EXOC3L2: variants seen among roughly 807,000 people sequenced by gnomAD.
EXOC3L2 encodes the protein exocyst complex component 3-like protein 2.
Under a neutral mutation model 44.4 loss-of-function variants are expected in EXOC3L2, and 17 were observed. The ratio of observed to expected loss-of-function variants is 0.38; its 90% CI spans 0.26 to 0.57. EXOC3L2 has a LOEUF of 0.57. Among genes scored for constraint, EXOC3L2 ranks in the 20% least tolerant of loss-of-function variants. The pLI is 0.65. For synonymous variants in EXOC3L2, 256 were observed against 253.7 expected, an observed-to-expected ratio of 1.01 and a Z score of -0.09; for missense variants, 541 against 588.4, an observed-to-expected ratio of 0.92 and a Z score of 0.83.
rs1313193846 is a variant in EXOC3L2 at position 45,228,198 on chromosome 19, G to A, written c.1338C>T (p.Asp446=). Residue 446 remains aspartate (D), a synonymous_variant, in exon 5 of 12, where the codon GAC becomes GAT. Coordinates refer to ENST00000413988, the MANE Select transcript of EXOC3L2 (RefSeq NM_001382422.1). ...CATCCTGGGCCAGGCTGCTGGGCTG[G>A]TCCTCCAGGCTCCCCCAGTGCTCTT... is the stretch of plus-strand genomic sequence containing the variant. ...EDEEHWGSLE[D]QPSSLAQDVC... is the part of the protein sequence containing the mutation. 1 of 1,614,130 alleles carries A rather than the reference G, an allele frequency of 6.2e-7. No homozygotes were observed. The highest frequency in any genetic ancestry group is 2.2e-5 in the East Asian group (1 of 44,880).
chr19:45,218,940 A>G (rs1393947929), intron 8 of EXOC3L2, among the ~76,000 whole-genome samples: 1 of 152,098 alleles, frequency 6.6e-6, no homozygotes, highest in Admixed American at 6.6e-5. Flanking sequence ...TCTACAAAAC[A>G]TTTAAAAGTT....
chr19:45,228,966 G>A (rs1313679881), intron 4 of EXOC3L2, among the ~76,000 whole-genome samples: 1 of 151,846 alleles, frequency 6.6e-6, no homozygotes, highest in Admixed American at 6.6e-5. Context: ...AGCTACTCAG[G>A]AGGCTGAGGC....
rs982735064 is a variant in EXOC3L2 at position 45,235,298 on chromosome 19, CAAAAATAAATAAATAAA to C, written c.524-489_524-473del. Among the ~76,000 whole-genome samples, 12 of 151,758 alleles carry C rather than the reference CAAAAATAAATAAATAAA, an allele frequency of 7.9e-5. 1 individual carries two copies. The highest frequency in any genetic ancestry group is 2.9e-4 in the African/African-American group (12 of 41,352). On this transcript the variant is annotated intron_variant, in intron 2 of 11. Coordinates refer to ENST00000413988, the MANE Select transcript of EXOC3L2 (RefSeq NM_001382422.1). ...CAACATGTTGAGCGAGACTCTATCTCAAAAATAAATAAATAAAAAAGAGAGAGGGGGAAAAGAAAAAT... is the reference window on the plus strand; with the variant it reads ...CAACATGTTGAGCGAGACTCTATCTCAAAGAGAGAGGGGGAAAAGAAAAAT...
intron 9 of EXOC3L2, 107 bp from the exon 10 acceptor site, chr19:45,217,790 G>A (rs1052746063): frequency 2.4e-6 from 3 of 1,251,406 alleles, no homozygotes; most frequent in Non-Finnish European, 3.1e-6. Flanking sequence ...TCCACTCCGG[G>A]CACCCATGGG....
chr19:45,218,158 T>TTGG, intron 9 of EXOC3L2, 39 bp downstream of exon 9: 28 of 1,034,864 alleles, frequency 2.7e-5, no homozygotes, highest in Non-Finnish European at 3.7e-5. Flanking sequence ...TCCCCTCTTT[T>TTGG]CCCCCACCCC....
chr19:45,232,282 A>G (rs1274801480), intron 3 of EXOC3L2, among the ~76,000 whole-genome samples: 1 of 152,018 alleles, frequency 6.6e-6, no homozygotes, highest in Non-Finnish European at 1.5e-5. Context: ...GAGCTATGTG[A>G]TATCATCAAT....
chr19:45,215,612 A>G (rs1298174927), intron 11 of EXOC3L2, among the ~76,000 whole-genome samples: 1 of 152,198 alleles, frequency 6.6e-6, no homozygotes, highest in African/African-American at 2.4e-5. Context: ...TAATAACCCT[A>G]TGACGAGAAT....
chr19:45,224,629 G>T, intron 8 of EXOC3L2, 149 bp downstream of exon 8: 1 of 1,236,642 alleles, frequency 8.1e-7, no homozygotes, highest in Non-Finnish European at 1.1e-6. Flanking sequence ...TCCACCAACA[G>T]CCCAGGCATG....
chr19:45,241,014 A>G (rs1338918416), intron 1 of EXOC3L2, among the ~76,000 whole-genome samples: 3 of 152,172 alleles, frequency 2.0e-5, no homozygotes, highest in Admixed American at 2.0e-4. Context: ...CTGCCATTAC[A>G]GCTTCCTGAG....
chr19:45,236,742 A>T (rs1470810920), intron 2 of EXOC3L2, among the ~76,000 whole-genome samples: 1 of 151,972 alleles, frequency 6.6e-6, no homozygotes, highest in African/African-American at 2.4e-5. Flanking sequence ...CATGCTTGTA[A>T]TCCCAGCACT....
At chr19:45,215,861 G>A (rs1386418725) in intron 11 of EXOC3L2, among the ~76,000 whole-genome samples, 1 of 152,218 alleles carries the variant, frequency 6.6e-6, no homozygotes, top group Non-Finnish European at 1.5e-5. Flanking sequence ...GTTTGTTTGT[G>A]AGCCCTGGTG....
intron 1 of EXOC3L2, 35 bp downstream of exon 1, chr19:45,245,306 G>A (rs1352024765): frequency 6.6e-6 from 1 of 152,314 alleles, no homozygotes; most frequent in African/African-American, 2.4e-5. Context: ...CCCTGGGGAA[G>A]GGGGACCCCT....
chr19:45,231,915 G>A, intron 3 of EXOC3L2, 41 bp from the exon 4 acceptor site: 1 of 1,439,020 alleles, frequency 6.9e-7, no homozygotes, highest in Non-Finnish European at 9.6e-7. Flanking sequence ...TGTGAAAAGT[G>A]GGGCTGGGCA....
chr19:45,220,316 G>A (rs561381658), intron 8 of EXOC3L2, among the ~76,000 whole-genome samples: 1 of 150,072 alleles, frequency 6.7e-6, no homozygotes, highest in Non-Finnish European at 1.5e-5. Context: ...TTTTTTGTTT[G>A]TTTAATTAGC....
intron 11 of EXOC3L2, among the ~76,000 whole-genome samples, chr19:45,213,990 C>G (rs151046811): frequency 0.012 from 1,751 of 151,920 alleles, 18 homozygotes; most frequent in South Asian, 0.023. Flanking sequence ...GTACCCCACT[C>G]CCCCTAAATC....
At position 45,224,861 on chromosome 19, in the gene EXOC3L2, G is replaced by A. The variant is rs780283148; in HGVS notation, c.1636C>T (p.Arg546Trp). The A allele has an allele frequency of 1.5e-5, 24 of 1,581,594 alleles. No individual in the cohort carries two copies. The highest frequency in any genetic ancestry group is 1.8e-5 in the Non-Finnish European group (21 of 1,162,726). The change falls in exon 8 of 12, where the codon CGG (arginine) becomes TGG (tryptophan). Residue 546 changes from arginine (R) to tryptophan (W), a missense_variant. Transcript: ENST00000413988. ...TCCAGAGCACTAGCAGATGCTTCCC[G>A]GGCCGGCTCGCTTTCTGGGGGCCCC... ...RVGPPESEPAREASASALDHV... is the reference protein window; with the variant it reads ...RVGPPESEPAWEASASALDHV...
At position 45,234,104 on chromosome 19, in the gene EXOC3L2, G is replaced by A. The variant is rs1391081686; in HGVS notation, c.1157+89C>T. 2 of 375,828 alleles carry A rather than the reference G, an allele frequency of 5.3e-6. No homozygotes were observed. The highest frequency in any genetic ancestry group is 3.8e-5 in the East Asian group (1 of 26,110). The allele number at this position is 375,828 out of a possible 1,614,324, so 23.3% of individuals were successfully genotyped here. On this transcript the variant is annotated intron_variant, in intron 3 of 11. Transcript: ENST00000413988. The surrounding 1 kb of genome is among the most constrained non-coding windows in gnomAD (Gnocchi z 5.0). ...AAGTGCTAGGACTGTAGGGTCAGCTGTCCCAAGGTCCTTAAGGTCTGAAGA... is the reference window on the plus strand; with the variant it reads ...AAGTGCTAGGACTGTAGGGTCAGCTATCCCAAGGTCCTTAAGGTCTGAAGA...
In EXOC3L2 at chr19:45,224,885, C is replaced by A. The variant is rs1969939823; in HGVS notation, c.1612G>T (p.Gly538Trp). 1.3e-6 allele frequency: 2 copies of A among 1,562,254 alleles called. No homozygotes were observed. Among genetic ancestry groups the A allele is most frequent in the South Asian group, 1.2e-5 (1 of 84,364 alleles). ...RALAERLARVGPPESEPAREA... is the reference protein window; with the variant it reads ...RALAERLARVWPPESEPAREA... ...CGGGCCGGCTCGCTTTCTGGGGGCC[C>A]CACCCGGGCCAGGCGCTCGGCCAGA... Residue 538 changes from glycine to tryptophan, a missense_variant, in exon 8 of 12, where the codon GGG (glycine) becomes TGG (tryptophan). Transcript: ENST00000413988.
chr19:45,212,983 G>A lies in EXOC3L2; in HGVS notation c.*86C>T. ...TCTATCCCAGGGGTGTGTGGTCCCAGGCAGGGAGTCAGGAGGGGCGCCGTA... is the reference window on the plus strand; with the variant it reads ...TCTATCCCAGGGGTGTGTGGTCCCAAGCAGGGAGTCAGGAGGGGCGCCGTA... On this transcript the variant is annotated 3_prime_UTR_variant, in exon 12 of 12. Transcript: ENST00000413988. The A allele has an allele frequency of 7.3e-7, 1 of 1,365,356 alleles. No homozygotes were observed. The highest frequency in any genetic ancestry group is 2.8e-5 in the East Asian group (1 of 36,084). The allele number at this position is 1,365,356 out of a possible 1,614,324, so 84.6% of individuals were successfully genotyped here.
Sources: gnomAD v4.1 joint callset for allele counts (sites outside exome capture counted in the v4.1 genomes callset) on GRCh38, gnomAD v4.1.1 for gene constraint, Gnocchi (gnomAD v3.1) non-coding constraint, MANE v1.5 for transcripts, NCBI Gene and HGNC (gene_info 2026-07-23, HGNC 2026-07-21) for gene names.